The following ZC3H10 variants were observed in gnomAD, a reference collection of about 807,000 sequenced individuals.
ZC3H10 encodes the protein zinc finger CCCH domain-containing protein 10.
ZC3H10 carries 12 observed loss-of-function variants against 24.3 expected under a neutral mutation model. That is an observed-to-expected ratio of 0.49 (90% CI 0.32 to 0.80). The LOEUF is 0.80. ZC3H10 is among the 30% of genes least tolerant of loss of function. The pLI, the probability that ZC3H10 is intolerant of heterozygous loss-of-function variation, is 0.04. For synonymous variants in ZC3H10, 226 were observed against 217.0 expected (o/e 1.04, Z -0.36); for missense variants, 360 against 576.3 (o/e 0.62, Z 3.84).
rs1869977472 is a variant in ZC3H10 at position 56,125,874 on chromosome 12, C to T, written c.*4007C>T. On this transcript the variant is annotated 3_prime_UTR_variant, in exon 3 of 3. Coordinates refer to ENST00000257940, the MANE Select transcript of ZC3H10 (RefSeq NM_032786.3). ...GATCTCGGCCCACTGCAGCCTCCGC[C>T]TCTCGGGTTCAAGTGATTCTCCTGC... is the stretch of plus-strand genomic sequence containing the variant. The T allele has an allele frequency of 6.6e-6, 1 of 151,574 alleles. No individual in the cohort carries two copies. The highest frequency in any genetic ancestry group is 1.5e-5 in the Non-Finnish European group (1 of 68,002). The allele number at this position is 151,574 out of a possible 1,614,324, so 9.4% of individuals were successfully genotyped here. A position where few individuals can be genotyped will look rare whatever the true frequency, so the allele number is the denominator to read the frequency against.
chr12:56,119,436 A>G (rs1225842738), intron 2 of ZC3H10: 1 of 152,192 alleles, frequency 6.6e-6, no homozygotes, highest in Non-Finnish European at 1.5e-5. Flanking sequence ...AGGCAAAGTC[A>G]CAGTAGTGGG....
At position 56,124,456 on chromosome 12, in the gene ZC3H10, C is replaced by T. The variant is rs1428183137; in HGVS notation, c.*2589C>T. ...CTTTCCTCTCTCTCACCTGCTAAGT[C>T]ATCACAGATAAGAGGAAAATTACGG... On this transcript the variant is annotated 3_prime_UTR_variant, in exon 3 of 3. Coordinates refer to ENST00000257940, the MANE Select transcript of ZC3H10 (RefSeq NM_032786.3). 6.6e-6 allele frequency: 1 copy of T among 152,198 alleles called. No individual in the cohort carries two copies. The highest frequency in any genetic ancestry group is 1.5e-5 in the Non-Finnish European group (1 of 68,038). The allele number at this position is 152,198 out of a possible 1,614,324, so 9.4% of individuals were successfully genotyped here. A position where few individuals can be genotyped will look rare whatever the true frequency, so the allele number is the denominator to read the frequency against.
chr12:56,122,365 C>T lies in ZC3H10; in HGVS notation c.*498C>T, dbSNP rs1018507029. 5 of 169,142 alleles carry T rather than the reference C, an allele frequency of 3.0e-5. No individual in the cohort carries two copies. The highest frequency in any genetic ancestry group is 1.2e-4 in the African/African-American group (5 of 41,502). 10.5% of individuals were successfully genotyped at this position (169,142 alleles called of 1,614,324 possible). On this transcript the variant is annotated 3_prime_UTR_variant, in exon 3 of 3. Transcript: ENST00000257940. ...ACAATACAGGAATTGCTTCTGGGCC[C>T]TGGGAAAGCTGGGACCATAGTGCTC...
rs1869799983 is a variant in ZC3H10 at position 56,121,025 on chromosome 12, A to C, written c.463A>C (p.Lys155Gln). Residue 155 changes from lysine (K) to glutamine (Q), a missense_variant, in exon 3 of 3, where the codon AAG (lysine) becomes CAG (glutamine). Transcript: ENST00000257940. The surrounding 1 kb of genome is among the most constrained non-coding windows in gnomAD (Gnocchi z 6.2). ...KGDCQRGAKC[K>Q]FRHLQRDFEF... ...TGACTGTCAGAGAGGAGCCAAGTGC[A>C]AGTTCCGTCACCTGCAACGGGATTT... 1 of 1,614,074 alleles carries C rather than the reference A, an allele frequency of 6.2e-7. No homozygotes were observed. Among genetic ancestry groups the C allele is most frequent in the South Asian group, 1.1e-5 (1 of 91,080 alleles).
rs1869805200 is a variant in ZC3H10 at position 56,121,099 on chromosome 12, C to T, written c.537C>T (p.Gly179=). ...GGGGTGGGST[G]SVLPGRRHDL... ...GAGGCACTGGTGGGGGCTCAACAGGCTCAGTCCTCCCAGGACGACGTCATG... is the reference window on the plus strand; with the variant it reads ...GAGGCACTGGTGGGGGCTCAACAGGTTCAGTCCTCCCAGGACGACGTCATG... Residue 179 remains glycine (G), a synonymous_variant, in exon 3 of 3, where the codon GGC becomes GGT. Transcript: ENST00000257940. This position sits in a 1 kb window ranked among gnomAD's most constrained non-coding sequence, Gnocchi z 6.2. The T allele has an allele frequency of 6.2e-7, 1 of 1,614,192 alleles. No individual in the cohort carries two copies. The highest frequency in any genetic ancestry group is 1.7e-4 in the Middle Eastern group (1 of 6,060).
At position 56,126,839 on chromosome 12, in the gene ZC3H10, T is replaced by G. The variant is rs914176026; in HGVS notation, c.*4972T>G. On this transcript the variant is annotated 3_prime_UTR_variant, in exon 3 of 3. Transcript: ENST00000257940. Reference sequence around the variant, plus strand: ...CAAGATACTGCTAGCCCTAGGGAAGTAGAGAAAAGGAAGTGAAAAAATTTA... The same window carrying G: ...CAAGATACTGCTAGCCCTAGGGAAGGAGAGAAAAGGAAGTGAAAAAATTTA... 6.6e-6 allele frequency: 1 copy of G among 152,090 alleles called. No homozygotes were observed. The highest frequency in any genetic ancestry group is 2.4e-5 in the African/African-American group (1 of 41,398). The allele number at this position is 152,090 out of a possible 1,614,324, so 9.4% of individuals were successfully genotyped here.
intron 2 of ZC3H10, chr12:56,120,290 C>T (rs2136855281): frequency 2.0e-6 from 2 of 985,454 alleles, no homozygotes; most frequent in African/African-American, 1.7e-5. Flanking sequence ...TGGGCCTATC[C>T]CTCCTCCGTT....
In ZC3H10 at chr12:56,126,633, TTC is replaced by T. The variant is rs1870002726; in HGVS notation, c.*4772_*4773del. Reference sequence around the variant, plus strand: ...GGCAAATTTCAGTTTATAGAGAGGTTTCTCTCTAAGGTTCATCCATGTTCCTT... The same window carrying T: ...GGCAAATTTCAGTTTATAGAGAGGTTTCTCTAAGGTTCATCCATGTTCCTT... On this transcript the variant is annotated 3_prime_UTR_variant, in exon 3 of 3. Transcript: ENST00000257940. 1 of 152,142 alleles carries T rather than the reference TTC, an allele frequency of 6.6e-6. No individual in the cohort carries two copies. Among genetic ancestry groups the T allele is most frequent in the African/African-American group, 2.4e-5 (1 of 41,408 alleles). 9.4% of individuals were successfully genotyped at this position (152,142 alleles called of 1,614,324 possible). A position where few individuals can be genotyped will look rare whatever the true frequency, so the allele number is the denominator to read the frequency against.
At position 56,123,919 on chromosome 12, in the gene ZC3H10, A is replaced by G. The variant is rs1350769074; in HGVS notation, c.*2052A>G. 2 of 152,154 alleles carry G rather than the reference A, an allele frequency of 1.3e-5. No individual in the cohort carries two copies. Among genetic ancestry groups the G allele is most frequent in the Admixed American group, 1.3e-4 (2 of 15,284 alleles). 9.4% of individuals were successfully genotyped at this position (152,154 alleles called of 1,614,324 possible). ...GAAGACCACCAAGAATACACCTGGT[A>G]ATTGAGCAAGTTGGGTTTAATGCTC... On this transcript the variant is annotated 3_prime_UTR_variant, in exon 3 of 3. Transcript: ENST00000257940.
In ZC3H10 at chr12:56,121,495, G is replaced by C; in HGVS notation, c.933G>C (p.Gln311His). The stretch of plus-strand genomic sequence containing the variant: ...CCACTTTTAACCATGGCATTGCCCA[G>C]ACTCACACTACTCTCAGCAGCCAGG... ...TVATFNHGIA[Q>H]THTTLSSQAL... is the part of the protein sequence containing the mutation. Residue 311 changes from glutamine (Q) to histidine (H), a missense_variant, in exon 3 of 3, where the codon CAG becomes CAC. Gln to His is a conservative substitution (Grantham distance 24, BLOSUM62 0). Transcript: ENST00000257940. This position sits in a 1 kb window ranked among gnomAD's most constrained non-coding sequence, Gnocchi z 6.2. 6.2e-7 allele frequency: 1 copy of C among 1,613,158 alleles called. No individual in the cohort carries two copies. Among genetic ancestry groups the C allele is most frequent in the Non-Finnish European group, 8.5e-7 (1 of 1,179,242 alleles).
chr12:56,124,562 A>G lies in ZC3H10; in HGVS notation c.*2695A>G, dbSNP rs775375906. 2.6e-5 allele frequency: 4 copies of G among 152,250 alleles called. No homozygotes were observed. The highest frequency in any genetic ancestry group is 5.9e-5 in the Non-Finnish European group (4 of 68,044). The allele number at this position is 152,250 out of a possible 1,614,324, so 9.4% of individuals were successfully genotyped here. Reference sequence around the variant, plus strand: ...GAAAAAAATAGTAGCATTTGGTAGAATCAAACTGAACACTTGTACTTAGTG... The same window carrying G: ...GAAAAAAATAGTAGCATTTGGTAGAGTCAAACTGAACACTTGTACTTAGTG... On this transcript the variant is annotated 3_prime_UTR_variant, in exon 3 of 3. Transcript: ENST00000257940.
At chr12:56,119,817 G>A (rs1869755719) in intron 2 of ZC3H10, 1 of 152,184 alleles carries the variant, frequency 6.6e-6, no homozygotes, top group African/African-American at 2.4e-5. Context: ...TTGTTCCTGT[G>A]AAATTAACTC....
chr12:56,120,907 G>A lies in ZC3H10; in HGVS notation c.345G>A (p.Leu115=). The change falls in exon 3 of 3, where the codon CTG becomes CTA. Residue 115 remains leucine, a synonymous_variant. Coordinates refer to ENST00000257940, the MANE Select transcript of ZC3H10 (RefSeq NM_032786.3). ...YKKTGELPPR[L]RQKVAAGLGL... ...AGACAGGAGAGCTTCCCCCACGGCT[G>A]AGGCAGAAAGTAGCAGCTGGCCTTG... The A allele has an allele frequency of 1.9e-6, 3 of 1,614,226 alleles. No individual in the cohort carries two copies. Among genetic ancestry groups the A allele is most frequent in the East Asian group, 2.2e-5 (1 of 44,888 alleles).
rs745515239 is a variant in ZC3H10, at chr12:56,120,604, C to T, written c.42C>T (p.Ser14=). The change falls in exon 3 of 3, where the codon AGC becomes AGT. Residue 14 remains serine, a synonymous_variant. Transcript: ENST00000257940. ...RDSYANGTGS[S]GGGPGGGGSE... is the part of the protein sequence containing the mutation. ...GCTATGCCAACGGTACCGGGAGCAG[C>T]GGTGGAGGCCCTGGAGGTGGTGGCA... is the stretch of plus-strand genomic sequence containing the variant. 2 of 1,582,348 alleles carry T rather than the reference C, an allele frequency of 1.3e-6. No individual in the cohort carries two copies. The highest frequency in any genetic ancestry group is 1.2e-5 in the South Asian group (1 of 86,094).
rs562616294 is a variant in ZC3H10, at chr12:56,122,156, T to C, written c.*289T>C. 1.6e-5 allele frequency: 7 copies of C among 429,640 alleles called. No individual in the cohort carries two copies. Among genetic ancestry groups the C allele is most frequent in the Middle Eastern group, 6.3e-4 (1 of 1,592 alleles). 26.6% of individuals were successfully genotyped at this position (429,640 alleles called of 1,614,324 possible). A position where few individuals can be genotyped will look rare whatever the true frequency, so the allele number is the denominator to read the frequency against. ...CTGACTGAGGGGCTGTGTCCTCTTA[T>C]GGGAATTTGGGAACATCCCTCGTCT... On this transcript the variant is annotated 3_prime_UTR_variant, in exon 3 of 3. Transcript: ENST00000257940.
rs937401791 is a variant in ZC3H10, at chr12:56,127,421, G to A, written c.*5554G>A. 1.4e-4 allele frequency: 21 copies of A among 152,142 alleles called. No individual in the cohort carries two copies. The highest frequency in any genetic ancestry group is 2.0e-4 in the Admixed American group (3 of 15,278). 9.4% of individuals were successfully genotyped at this position (152,142 alleles called of 1,614,324 possible). ...ATTTGCGCTGCCTCCCTCCCTTTTG[G>A]AGCCAACTAGTCTTACATCCATCCT... On this transcript the variant is annotated 3_prime_UTR_variant, in exon 3 of 3. Coordinates refer to ENST00000257940, the MANE Select transcript of ZC3H10 (RefSeq NM_032786.3).
intron 2 of ZC3H10, 102 bp from the exon 3 acceptor site, chr12:56,120,409 C>T: frequency 7.2e-7 from 1 of 1,380,034 alleles, no homozygotes; most frequent in Non-Finnish European, 9.3e-7. Flanking sequence ...TTAGATTCTC[C>T]ATCTCTAAAG....
Position 56,121,976 on chromosome 12 carries a change from C to T in ZC3H10, c.*109C>T, listed in dbSNP as rs967434806. ...CCTGTCTGAAGGGCTCCCTTGAGAA[C>T]TAGGACAAGAGACTACAAGGAGTAT... On this transcript the variant is annotated 3_prime_UTR_variant, in exon 3 of 3. Coordinates refer to ENST00000257940, the MANE Select transcript of ZC3H10 (RefSeq NM_032786.3). The surrounding 1 kb of genome is among the most constrained non-coding windows in gnomAD (Gnocchi z 6.2). The T allele has an allele frequency of 3.8e-6, 5 of 1,309,612 alleles. No homozygotes were observed. Among genetic ancestry groups the T allele is most frequent in the African/African-American group, 1.5e-5 (1 of 66,808 alleles). 81.1% of individuals were successfully genotyped at this position (1,309,612 alleles called of 1,614,324 possible). A position where few individuals can be genotyped will look rare whatever the true frequency, so the allele number is the denominator to read the frequency against.
Position 56,121,255 on chromosome 12 carries a change from ACCGCGAGGGGTG to A in ZC3H10, c.694_705del (p.Pro232_Val235del). The A allele has an allele frequency of 1.2e-6, 2 of 1,613,424 alleles. No homozygotes were observed. Among genetic ancestry groups the A allele is most frequent in the Non-Finnish European group, 1.7e-6 (2 of 1,180,012 alleles). ...AGTCATATGAATATAGTTTGGCTCC[ACCGCGAGGGGTG>A]GAGTGCAGACTGCTAGAGGAGGAGA... On this transcript the variant is annotated inframe_deletion, in exon 3 of 3. Transcript: ENST00000257940. This position sits in a 1 kb window ranked among gnomAD's most constrained non-coding sequence, Gnocchi z 6.2.
Sources: gnomAD v4.1 joint callset for allele counts on GRCh38, gnomAD v4.1.1 for gene constraint, Gnocchi (gnomAD v3.1) non-coding constraint, MANE v1.5 for transcripts, NCBI Gene and HGNC (gene_info 2026-07-23, HGNC 2026-07-21) for gene names.